Variants in IGSF5 observed in about 807,000 individuals in gnomAD.
The protein encoded by IGSF5 is immunoglobulin superfamily member 5.
In IGSF5, 41 loss-of-function variants were observed where a neutral mutation model predicts 39.4. That is an observed-to-expected ratio of 1.04 (90% confidence interval 0.81 to 1.35). The LOEUF (loss-of-function observed/expected upper bound fraction) is 1.35. Ranked by LOEUF, IGSF5 falls within the 40% of genes most tolerant of loss-of-function variation. IGSF5 has a pLI of 0.00. For missense variants in IGSF5, 487 were observed against 494.6 expected, an observed-to-expected ratio of 0.98 and a Z score of 0.15; for synonymous variants, 183 against 175.3, an observed-to-expected ratio of 1.04 and a Z score of -0.34.
intron 6 of IGSF5, among the ~76,000 whole-genome samples, chr21:39,788,795 A>ACATAGC (rs1242595136): frequency 6.6e-6 from 1 of 152,250 alleles, no homozygotes; most frequent in East Asian, 1.9e-4. Context: ...TGCAATGTTA[A>ACATAGC]CATAGCCATA....
the IGSF5 span, among the ~76,000 whole-genome samples, chr21:39,728,809 T>C: frequency 6.6e-6 from 1 of 152,228 alleles, no homozygotes; most frequent in South Asian, 2.1e-4. Flanking sequence ...TACCATTTTC[T>C]GACCGCCTAT....
chr21:39,745,922 G>C (rs1442062886), intron 1 of IGSF5, among the ~76,000 whole-genome samples: 2 of 152,118 alleles, frequency 1.3e-5, no homozygotes, highest in African/African-American at 4.8e-5. Flanking sequence ...ACGGGGGGTG[G>C]GGGGTCCTTG....
At chr21:39,721,904 G>A in the IGSF5 span, among the ~76,000 whole-genome samples, 1 of 152,164 alleles carries the variant, frequency 6.6e-6, no homozygotes, top group East Asian at 1.9e-4. Context: ...TATGGGTCAA[G>A]GTGAGCACAC....
chr21:39,770,935 T>A lies in IGSF5; in HGVS notation c.438T>A (p.Ile146=), dbSNP rs778696564. 9.5e-6 allele frequency: 15 copies of A among 1,576,702 alleles called. No homozygotes were observed. In the East Asian group the frequency reaches 3.4e-4, roughly 36 times the overall value. ...CTTTAGTTATGGGAGAGCTGTTCAT[T>A]CCCAGTGTTAATCTTGTAGTCGCTG... The part of the protein sequence containing the change: ...LTVQVMGELF[I]PSVNLVVAEN... Residue 146 remains isoleucine, a synonymous_variant, in exon 4 of 9, where the codon ATT becomes ATA. Coordinates refer to ENST00000380588, the MANE Select transcript of IGSF5 (RefSeq NM_001080444.2).
chr21:39,788,693 C>T (rs887404169), intron 6 of IGSF5, among the ~76,000 whole-genome samples: 1 of 152,224 alleles, frequency 6.6e-6, no homozygotes, highest in Non-Finnish European at 1.5e-5. Flanking sequence ...AAATTCCTTT[C>T]ATTCCCAGGC....
chr21:39,787,369 C>T (rs2086928387), intron 5 of IGSF5, among the ~76,000 whole-genome samples: 1 of 152,058 alleles, frequency 6.6e-6, no homozygotes. Context: ...TTTAAAAAAT[C>T]TTAATCAAGC....
At chr21:39,793,634 C>A (rs904082073) in intron 8 of IGSF5, 21 bp downstream of exon 8, 4 of 1,589,210 alleles carry the variant, frequency 2.5e-6, no homozygotes, top group Middle Eastern at 1.7e-4. Flanking sequence ...CCATTTTCCC[C>A]CTTTTTGGAC....
At chr21:39,720,281 C>A in the IGSF5 span, among the ~76,000 whole-genome samples, 1 of 152,190 alleles carries the variant, frequency 6.6e-6, no homozygotes, top group Non-Finnish European at 1.5e-5. Flanking sequence ...GGAGGCTGAG[C>A]TCAGGCAGTA....
At chr21:39,714,367 G>T in the IGSF5 span, among the ~76,000 whole-genome samples, 1 of 152,184 alleles carries the variant, frequency 6.6e-6, no homozygotes, top group African/African-American at 2.4e-5. Context: ...TATTGTTTTT[G>T]ATTTACTGTC....
the IGSF5 span, among the ~76,000 whole-genome samples, chr21:39,721,435 C>T: frequency 6.6e-6 from 1 of 152,178 alleles, no homozygotes; most frequent in Non-Finnish European, 1.5e-5. Flanking sequence ...GAACTCGGCA[C>T]CAGTGCAAGT....
At chr21:39,713,306 G>T in the IGSF5 span, among the ~76,000 whole-genome samples, 1 of 152,302 alleles carries the variant, frequency 6.6e-6, no homozygotes, top group Non-Finnish European at 1.5e-5. Flanking sequence ...AGAATTATTT[G>T]CAGATTGCTT....
At chr21:39,764,183 C>A (rs140286593) in intron 2 of IGSF5, among the ~76,000 whole-genome samples, 2 of 152,120 alleles carry the variant, frequency 1.3e-5, no homozygotes, top group Non-Finnish European at 2.9e-5. Flanking sequence ...TTCCTGGTGG[C>A]GGCTTACTCC....
intron 2 of IGSF5, among the ~76,000 whole-genome samples, chr21:39,747,385 A>G (rs975394426): frequency 6.6e-6 from 1 of 152,170 alleles, no homozygotes; most frequent in African/African-American, 2.4e-5. Flanking sequence ...TGGGAGGACA[A>G]TTCAAGATGA....
the IGSF5 span, among the ~76,000 whole-genome samples, chr21:39,718,111 T>G: frequency 6.6e-6 from 1 of 152,138 alleles, no homozygotes; most frequent in African/African-American, 2.4e-5. Context: ...GTGTCACAAT[T>G]GAGAGTGGGA....
the IGSF5 span, among the ~76,000 whole-genome samples, chr21:39,728,585 G>A: frequency 0.047 from 7,162 of 152,178 alleles, 188 homozygotes; most frequent in African/African-American, 0.052. Flanking sequence ...AGGAGATGAC[G>A]CACTCGCTCT....
intron 5 of IGSF5, among the ~76,000 whole-genome samples, chr21:39,786,044 T>C (rs1306892670): frequency 2.6e-5 from 4 of 152,100 alleles, no homozygotes; most frequent in African/African-American, 9.7e-5. Flanking sequence ...AACATAGGCA[T>C]GGGCAAGGAC....
At chr21:39,770,860 T>C in intron 3 of IGSF5, 56 bp from the exon 4 acceptor site, 1 of 1,208,934 alleles carries the variant, frequency 8.3e-7, no homozygotes, top group Non-Finnish European at 1.1e-6. Flanking sequence ...AAAAGAAAAC[T>C]TAGAAGCGAG....
intron 6 of IGSF5, 155 bp from the exon 7 acceptor site, chr21:39,791,853 C>A: frequency 1.7e-6 from 1 of 590,272 alleles, no homozygotes; most frequent in Non-Finnish European, 3.1e-6. Flanking sequence ...ATACCTGCAA[C>A]GCAGCGGCAA....
In IGSF5 at chr21:39,750,508, CAGA is replaced by C. The variant is rs1182888104; in HGVS notation, c.100+4212_100+4214del. On this transcript the variant is annotated intron_variant, in intron 2 of 8. Coordinates refer to ENST00000380588, the MANE Select transcript of IGSF5 (RefSeq NM_001080444.2). ...GGGTAACAGAGCAAGACACTGTCTC[CAGA>C]AAAAAAAAAAAAAAAGCAGTTCAGT... Among the ~76,000 whole-genome samples, 36 of 123,724 alleles carry C rather than the reference CAGA, an allele frequency of 2.9e-4. 1 individual carries two copies. Among genetic ancestry groups the C allele is most frequent in the African/African-American group, 1.1e-3 (35 of 30,730 alleles). 81.2% of individuals were successfully genotyped at this position (123,724 alleles called of 152,430 possible).
Sources: allele counts gnomAD v4.1 joint callset (sites outside exome capture counted in the v4.1 genomes callset), GRCh38; gene constraint gnomAD v4.1.1; transcripts MANE v1.5; gene names NCBI Gene and HGNC (gene_info 2026-07-23, HGNC 2026-07-21).